VWA3B: variants seen among roughly 807,000 people sequenced by gnomAD.
The protein encoded by VWA3B is von Willebrand factor A domain-containing protein 3B.
A neutral mutation model predicts 158.3 loss-of-function variants in VWA3B; 138 were observed. The observed-to-expected ratio is 0.87, with a 90% CI of 0.76 to 1.00. The LOEUF is 1.00. Ranked by LOEUF, VWA3B falls within the 50% of genes least tolerant of loss-of-function variation. The pLI is 0.00. For synonymous variants in VWA3B, 596 were observed against 587.3 expected, an observed-to-expected ratio of 1.01 and a Z score of -0.21; for missense variants, 1,555 against 1,565.1, an observed-to-expected ratio of 0.99 and a Z score of 0.11.
At chr2:98,162,152 AT>A (rs1420682042) in intron 7 of VWA3B, among the ~76,000 whole-genome samples, 1 of 151,460 alleles carries the variant, frequency 6.6e-6, no homozygotes, top group Non-Finnish European at 1.5e-5. Context: ...GTGCACATCC[AT>A]TTCCCCCCGG....
At chr2:98,313,982 AAAC>A (rs768345299), downstream of VWA3B, among the ~76,000 whole-genome samples, 3 of 152,220 alleles carry the variant, frequency 2.0e-5, no homozygotes, top group Non-Finnish European at 4.4e-5. Flanking sequence ...ACTCCCACCA[AAAC>A]AACTAACACA....
At chr2:98,168,885 T>C (rs572664467) in intron 8 of VWA3B, among the ~76,000 whole-genome samples, 9 of 152,286 alleles carry the variant, frequency 5.9e-5, no homozygotes, top group African/African-American at 1.9e-4. Flanking sequence ...ATGGGATTCC[T>C]GCGGGGAGGA....
intron 7 of VWA3B, among the ~76,000 whole-genome samples, chr2:98,160,471 A>G (rs956312425): frequency 1.3e-5 from 2 of 152,112 alleles, no homozygotes; most frequent in African/African-American, 4.8e-5. Context: ...CTGCACAGGG[A>G]GCACGTCCCG....
At chr2:98,268,522 C>A (rs1473732110) in intron 21 of VWA3B, among the ~76,000 whole-genome samples, 2 of 151,902 alleles carry the variant, frequency 1.3e-5, no homozygotes, top group Non-Finnish European at 2.9e-5. Context: ...CTATTTGGTT[C>A]TTTTTTATAG....
In VWA3B at chr2:98,112,301, TGG is replaced by T. The variant is rs1194705037; in HGVS notation, c.197-3349_197-3348del. 2.1e-3 allele frequency among the ~76,000 whole-genome samples: 285 copies of T among 137,372 alleles called. 1 individual carries two copies. Among genetic ancestry groups the T allele is most frequent in the African/African-American group, 7.1e-3 (248 of 34,856 alleles). 90.1% of individuals were successfully genotyped at this position (137,372 alleles called of 152,430 possible). A position where few individuals can be genotyped will look rare whatever the true frequency, so the allele number is the denominator to read the frequency against. On this transcript the variant is annotated intron_variant, in intron 2 of 27. Coordinates refer to ENST00000477737, the MANE Select transcript of VWA3B (RefSeq NM_144992.5). Reference sequence around the variant, plus strand: ...TTTGGGGTGTGTGTGTGTGTGTGTGTGGGTGTGTGTGTGTGTGTGTGTGTTTT... The same window carrying T: ...TTTGGGGTGTGTGTGTGTGTGTGTGTGTGTGTGTGTGTGTGTGTGTGTTTT...
At chr2:98,207,688 A>G in intron 12 of VWA3B, 1 of 419,338 alleles carries the variant, frequency 2.4e-6, no homozygotes, top group South Asian at 2.0e-5. Context: ...CCATTGAAGA[A>G]GGTTTGGCAG....
chr2:98,149,094 C>G (rs1416780163), intron 7 of VWA3B, among the ~76,000 whole-genome samples: 1 of 152,134 alleles, frequency 6.6e-6, no homozygotes, highest in Non-Finnish European at 1.5e-5. Flanking sequence ...CATTTTTCTT[C>G]TCTCTTCTTT....
At chr2:98,242,789 C>T (rs980376236) in intron 19 of VWA3B, among the ~76,000 whole-genome samples, 5 of 150,454 alleles carry the variant, frequency 3.3e-5, no homozygotes, top group Non-Finnish European at 7.4e-5. Flanking sequence ...TTAGAGTGAC[C>T]TGTGAGGTGG....
At chr2:98,212,285 CA>C (rs1476245024) in intron 13 of VWA3B, 1 of 323,038 alleles carries the variant, frequency 3.1e-6, no homozygotes, top group Non-Finnish European at 5.7e-6. Flanking sequence ...ACCAGCCCCA[CA>C]AAAGGAGACG....
At position 98,308,417 on chromosome 2, in the gene VWA3B, A is replaced by C. The variant is rs547746597; in HGVS notation, c.3522-3402A>C. ...TCAGAGATGTCTTTTCTGAGGGAGA[A>C]TAGTCCGTATCCTGTCTATAACTGC... On this transcript the variant is annotated intron_variant, in intron 26 of 27. Transcript: ENST00000477737. Among the ~76,000 whole-genome samples the C allele has an allele frequency of 6.3e-4, 96 of 152,340 alleles. 1 individual carries two copies. The highest frequency in any genetic ancestry group is 2.2e-3 in the African/African-American group (92 of 41,576).
intron 7 of VWA3B, among the ~76,000 whole-genome samples, chr2:98,136,375 C>T (rs1676283922): frequency 1.3e-5 from 2 of 152,100 alleles, no homozygotes; most frequent in African/African-American, 4.8e-5. Context: ...CAGTAACTTC[C>T]TATGTCTATG....
rs148681303 is a variant in VWA3B at position 98,121,093 on chromosome 2, T to C, written c.543-206T>C. Among the ~76,000 whole-genome samples, 157 of 152,374 alleles carry C rather than the reference T, an allele frequency of 1.0e-3. 2 individuals are homozygous for C. The highest frequency in any genetic ancestry group is 3.7e-3 in the African/African-American group (155 of 41,592). On this transcript the variant is annotated intron_variant, in intron 4 of 27. Transcript: ENST00000477737. ...TGTTTTTCCTAGTCAGCACAGCTTA[T>C]AGAAGGTAGTGGTGCTTTGGGAACC...
rs138033148 is a variant in VWA3B at position 98,241,155 on chromosome 2, AC to A, written c.2673+4428del. 1.2e-3 allele frequency among the ~76,000 whole-genome samples: 176 copies of A among 152,228 alleles called. 1 individual carries two copies. The highest frequency in any genetic ancestry group is 4.0e-3 in the African/African-American group (167 of 41,494). On this transcript the variant is annotated intron_variant, in intron 19 of 27. Transcript: ENST00000477737. ...CTTAGCTAGTGGCATCGGAGTTCAG[AC>A]CCAGGGGAAGAGAAGGAGTTATGAA...
chr2:98,142,041 G>A (rs571763569), intron 7 of VWA3B, among the ~76,000 whole-genome samples: 1 of 152,140 alleles, frequency 6.6e-6, no homozygotes, highest in South Asian at 2.1e-4. Flanking sequence ...CCTCTGGTTG[G>A]GTGGGAAATA....
chr2:98,162,644 A>G (rs796078558), intron 7 of VWA3B, among the ~76,000 whole-genome samples: 18 of 152,330 alleles, frequency 1.2e-4, no homozygotes, highest in African/African-American at 4.3e-4. Flanking sequence ...ATTGTATCCT[A>G]AAGTCTGCAT....
At position 98,270,672 on chromosome 2, in the gene VWA3B, TG is replaced by T; in HGVS notation, c.2844-9del. 1 of 1,606,180 alleles carries T rather than the reference TG, an allele frequency of 6.2e-7. No homozygotes were observed. Among genetic ancestry groups the T allele is most frequent in the Non-Finnish European group, 8.5e-7 (1 of 1,176,110 alleles). On this transcript the variant is annotated splice_polypyrimidine_tract_variant and intron_variant, in intron 21 of 27. Coordinates refer to ENST00000477737, the MANE Select transcript of VWA3B (RefSeq NM_144992.5). ...TCCTCTGTTTGTTTGTTTGTTTCTT[TG>T]TTTTTTAGGTTAGATGCAAACAAAC...
At chr2:98,256,621 C>T (rs755771838) in intron 21 of VWA3B, among the ~76,000 whole-genome samples, 10 of 152,244 alleles carry the variant, frequency 6.6e-5, no homozygotes, top group East Asian at 3.9e-4. Flanking sequence ...TCCGCTTTTT[C>T]GCTATCATGA....
intron 26 of VWA3B, among the ~76,000 whole-genome samples, chr2:98,304,497 T>C (rs1332870023): frequency 1.3e-5 from 2 of 152,284 alleles, no homozygotes; most frequent in South Asian, 2.1e-4. Flanking sequence ...TTGCAGGCTG[T>C]CTTTGGGTGC....
the VWA3B span, among the ~76,000 whole-genome samples, chr2:98,321,528 C>A: frequency 6.6e-6 from 1 of 152,214 alleles, no homozygotes; most frequent in Non-Finnish European, 1.5e-5. Flanking sequence ...GCCGGGGAAG[C>A]TTATCTCTTG....
Sources: allele counts gnomAD v4.1 joint callset (sites outside exome capture counted in the v4.1 genomes callset), GRCh38; gene constraint gnomAD v4.1.1; transcripts MANE v1.5; gene names NCBI Gene and HGNC (gene_info 2026-07-23, HGNC 2026-07-21).